Variants in SERINC2 observed in about 807,000 individuals in gnomAD.
SERINC2 encodes tumor differentially expressed protein 2.
SERINC2 carries 56 observed loss-of-function variants against 54.2 expected under a neutral mutation model. The observed-to-expected ratio is 1.03, with a 90% CI of 0.83 to 1.29. The LOEUF is 1.29. SERINC2 is among the 50% of genes most tolerant of loss of function. The pLI is 0.00. For missense variants in SERINC2, 614 were observed against 607.4 expected (o/e 1.01, Z -0.12); for synonymous variants, 272 against 253.1 (o/e 1.07, Z -0.71).
At chr1:31,433,441 A>C (rs1435691479) in intron 9 of SERINC2, among the ~76,000 whole-genome samples, 2 of 152,144 alleles carry the variant, frequency 1.3e-5, no homozygotes, top group African/African-American at 4.8e-5. Flanking sequence ...GGACCTGTAC[A>C]GGGCAGGCGG....
In SERINC2 at chr1:31,414,714, G is replaced by C. The variant is rs1640742747; in HGVS notation, c.39+1410G>C. On this transcript the variant is annotated intron_variant, in intron 1 of 9. Coordinates refer to ENST00000373709, the MANE Select transcript of SERINC2 (RefSeq NM_178865.5). Reference sequence around the variant, plus strand: ...TTGGGCCAGGTCTCTGCCAACAAGGGTTTGCTTCCTGGTGAGGGAGGCAGA... The same window carrying C: ...TTGGGCCAGGTCTCTGCCAACAAGGCTTTGCTTCCTGGTGAGGGAGGCAGA... The C allele has an allele frequency of 4.1e-6, 4 of 985,306 alleles. No homozygotes were observed. The African/African-American group carries it at 7.0e-5, about 17-fold the overall frequency. 61.0% of individuals were successfully genotyped at this position (985,306 alleles called of 1,614,324 possible). A position where few individuals can be genotyped will look rare whatever the true frequency, so the allele number is the denominator to read the frequency against.
chr1:31,425,120 C>T lies in SERINC2; in HGVS notation c.393-210C>T, dbSNP rs114850478. On this transcript the variant is annotated intron_variant, in intron 3 of 9. Coordinates refer to ENST00000373709, the MANE Select transcript of SERINC2 (RefSeq NM_178865.5). Reference sequence around the variant, plus strand: ...GGGGCTGGACCTGGGTGACCACCCTCACCACTGCTTGGTCCTTCCTCCTGC... The same window carrying T: ...GGGGCTGGACCTGGGTGACCACCCTTACCACTGCTTGGTCCTTCCTCCTGC... 3.5e-3 allele frequency among the ~76,000 whole-genome samples: 534 copies of T among 152,344 alleles called. 3 individuals carry two copies. The highest frequency in any genetic ancestry group is 0.012 in the African/African-American group (518 of 41,588).
chr1:31,427,960 C>G (rs1299897612), intron 6 of SERINC2, among the ~76,000 whole-genome samples: 1 of 151,850 alleles, frequency 6.6e-6, no homozygotes, highest in South Asian at 2.1e-4. Flanking sequence ...TCCCAAGTAA[C>G]CAGTGAGCTG....
chr1:31,426,561 G>A lies in SERINC2; in HGVS notation c.611-93G>A. On this transcript the variant is annotated intron_variant, in intron 5 of 9. Coordinates refer to ENST00000373709, the MANE Select transcript of SERINC2 (RefSeq NM_178865.5). Reference sequence around the variant, plus strand: ...TGGGGAAACTGAGAGCTGGAGAGGGGGAGAGCTGCCAACAGGGTCCCTCGA... The same window carrying A: ...TGGGGAAACTGAGAGCTGGAGAGGGAGAGAGCTGCCAACAGGGTCCCTCGA... 4.0e-6 allele frequency: 4 copies of A among 1,010,134 alleles called. No individual in the cohort carries two copies. In the South Asian group the frequency reaches 6.9e-5, roughly 17 times the overall value. The allele number at this position is 1,010,134 out of a possible 1,614,324, so 62.6% of individuals were successfully genotyped here.
chr1:31,423,298 A>G (rs1396519606), intron 1 of SERINC2, among the ~76,000 whole-genome samples: 3 of 152,174 alleles, frequency 2.0e-5, no homozygotes, highest in Non-Finnish European at 4.4e-5. Context: ...ACATACCACT[A>G]TGTTACAGAA....
At position 31,428,995 on chromosome 1, in the gene SERINC2, G is replaced by A. The variant is rs138485242; in HGVS notation, c.798G>A (p.Ser266=). ...CTTGCCAGGACGCCCAGCCCAACTC[G>A]GGTCTGCTGCAGGCCTCGGTCATCA... ...LPKVQDAQPN[S]GLLQASVITL... The change falls in exon 7 of 10, where the codon TCG becomes TCA. Residue 266 remains serine (S), a synonymous_variant. Transcript: ENST00000373709. 5.4e-5 allele frequency: 87 copies of A among 1,613,922 alleles called. No homozygotes were observed. The African/African-American group carries it at 1.0e-3, about 19-fold the overall frequency.
intron 1 of SERINC2, among the ~76,000 whole-genome samples, chr1:31,417,852 CTTTT>C (rs3050463): frequency 1.0e-5 from 1 of 95,722 alleles, no homozygotes. Flanking sequence ...AAATTTCATT[CTTTT>C]TTTTTTTTTT....
chr1:31,425,991 T>C (rs2148520323), intron 5 of SERINC2, 78 bp downstream of exon 5: 3 of 1,487,186 alleles, frequency 2.0e-6, no homozygotes, highest in Non-Finnish European at 2.7e-6. Context: ...TCGAGGGTCC[T>C]TGAAGCTAGA....
At chr1:31,430,648 T>C (rs1557498629) in intron 8 of SERINC2, among the ~76,000 whole-genome samples, 2 of 152,222 alleles carry the variant, frequency 1.3e-5, no homozygotes, top group Non-Finnish European at 2.9e-5. Flanking sequence ...TGCATAATAT[T>C]GTGAACATTT....
rs1557501364 is a variant in SERINC2, at chr1:31,432,116, T to TGGACAG, written c.1014-849_1014-848insACAGGG. Among the ~76,000 whole-genome samples, 19 of 125,922 alleles carry TGGACAG rather than the reference T, an allele frequency of 1.5e-4. 1 individual carries two copies. Among genetic ancestry groups the TGGACAG allele is most frequent in the Non-Finnish European group, 2.2e-4 (13 of 59,794 alleles). 82.6% of individuals were successfully genotyped at this position (125,922 alleles called of 152,430 possible). A position where few individuals can be genotyped will look rare whatever the true frequency, so the allele number is the denominator to read the frequency against. On this transcript the variant is annotated intron_variant, in intron 8 of 9. Transcript: ENST00000373709. ...GACAGGGTGGACAGGGTGGATAGGG[T>TGGACAG]GGTTAGGGTGGATAGGGTGGACAGG...
In SERINC2 at chr1:31,413,722, G is replaced by T. The variant is rs182851954; in HGVS notation, c.39+418G>T. ...CTGGTTCTCTGTGTAGGTCGCCCGGGCCCCGTCCCTCCTGGCGAGTGCCCT... is the reference window on the plus strand; with the variant it reads ...CTGGTTCTCTGTGTAGGTCGCCCGGTCCCCGTCCCTCCTGGCGAGTGCCCT... On this transcript the variant is annotated intron_variant, in intron 1 of 9. Coordinates refer to ENST00000373709, the MANE Select transcript of SERINC2 (RefSeq NM_178865.5). This position sits in a 1 kb window ranked among gnomAD's most constrained non-coding sequence, Gnocchi z 5.0. 1.6e-4 allele frequency: 217 copies of T among 1,316,714 alleles called. 1 individual carries two copies. The highest frequency in any genetic ancestry group is 2.0e-4 in the Non-Finnish European group (208 of 1,034,752). The allele number at this position is 1,316,714 out of a possible 1,614,324, so 81.6% of individuals were successfully genotyped here.
rs554706001 is a variant in SERINC2 at position 31,434,262 on chromosome 1, G to C, written c.*63G>C. 3.3e-6 allele frequency: 5 copies of C among 1,528,046 alleles called. No homozygotes were observed. The African/African-American group carries it at 6.8e-5, about 21-fold the overall frequency. The allele number at this position is 1,528,046 out of a possible 1,614,324, so 94.7% of individuals were successfully genotyped here. A position where few individuals can be genotyped will look rare whatever the true frequency, so the allele number is the denominator to read the frequency against. On this transcript the variant is annotated 3_prime_UTR_variant, in exon 10 of 10. Coordinates refer to ENST00000373709, the MANE Select transcript of SERINC2 (RefSeq NM_178865.5). ...CCTGGTGCCTCTCGGCTCAGTGACAGCCAACCTGCCCCCTCCCCACACCAA... is the reference window on the plus strand; with the variant it reads ...CCTGGTGCCTCTCGGCTCAGTGACACCCAACCTGCCCCCTCCCCACACCAA...
intron 1 of SERINC2, chr1:31,414,320 GCC>G: frequency 7.8e-7 from 1 of 1,274,272 alleles, no homozygotes; most frequent in Non-Finnish European, 9.9e-7. Flanking sequence ...CATTCAGGCA[GCC>G]CCCTCCCCCT....
Position 31,434,101 on chromosome 1 carries a change from GC to G in SERINC2, c.1272del (p.Val425CysfsTer3). Reference protein sequence around the residue: ...ETRKMISTWTAVWVKICASWA... With the variant: ...ETRKMISTWTXVWVKICASWA... Reference sequence around the variant, plus strand: ...CCGGAAGATGATCAGCACGTGGACCGCCGTGTGGGTGAAGATCTGTGCCAGC... The same window carrying G: ...CCGGAAGATGATCAGCACGTGGACCGCGTGTGGGTGAAGATCTGTGCCAGC... On this transcript the variant is annotated frameshift_variant, in exon 10 of 10. Coordinates refer to ENST00000373709, the MANE Select transcript of SERINC2 (RefSeq NM_178865.5). LOFTEE classifies it high-confidence loss of function. 6.2e-7 allele frequency: 1 copy of G among 1,614,016 alleles called. No individual in the cohort carries two copies. Among genetic ancestry groups the G allele is most frequent in the Non-Finnish European group, 8.5e-7 (1 of 1,179,974 alleles).
At chr1:31,419,442 G>A (rs1640855822) in intron 1 of SERINC2, among the ~76,000 whole-genome samples, 1 of 152,158 alleles carries the variant, frequency 6.6e-6, no homozygotes, top group Admixed American at 6.5e-5. Context: ...ATGTACCCAA[G>A]TTAAGTGTTA....
At chr1:31,432,139 A>AGGGTGGTTAGGGTGGATAG (rs1641297581) in intron 8 of SERINC2, among the ~76,000 whole-genome samples, 1 of 132,878 alleles carries the variant, frequency 7.5e-6, no homozygotes, top group African/African-American at 3.0e-5. Context: ...TAGGGTGGAC[A>AGGGTGGTTAGGGTGGATAG]GGGTGGACAG....
At chr1:31,409,908 C>A, upstream of SERINC2, 1 of 1,447,058 alleles carries the variant, frequency 6.9e-7, no homozygotes, top group Non-Finnish European at 9.4e-7. Flanking sequence ...GGCAGGAGTT[C>A]GTTCCTATGT....
At chr1:31,422,307 AAAAAC>A (rs1401807233) in intron 1 of SERINC2, among the ~76,000 whole-genome samples, 1 of 151,262 alleles carries the variant, frequency 6.6e-6, no homozygotes, top group African/African-American at 2.4e-5. Context: ...TCAAAAAAAA[AAAAAC>A]AAAAAAAGAA....
intron 8 of SERINC2, among the ~76,000 whole-genome samples, chr1:31,432,210 C>CAGGGTGAAT (rs1641315532): frequency 1.1e-5 from 1 of 94,580 alleles, no homozygotes; most frequent in African/African-American, 3.7e-5. Context: ...AGAGAGTGGA[C>CAGGGTGAAT]AGGGTGGAGA....
Sources: allele counts gnomAD v4.1 joint callset (sites outside exome capture counted in the v4.1 genomes callset), GRCh38; gene constraint gnomAD v4.1.1; non-coding constraint Gnocchi (gnomAD v3.1); transcripts MANE v1.5; gene names NCBI Gene and HGNC (gene_info 2026-07-23, HGNC 2026-07-21).